ZNF462: variants seen among roughly 807,000 people sequenced by gnomAD.
ZNF462 encodes zinc finger protein 462.
A neutral mutation model predicts 201.9 loss-of-function variants in ZNF462; 10 were observed. The observed-to-expected ratio is 0.05, with a 90% CI of 0.03 to 0.08. The LOEUF is 0.08. ZNF462 is among the 10% of genes least tolerant of loss of function. The pLI, the probability that ZNF462 is intolerant of heterozygous loss-of-function variation, is 1.00. For missense variants in ZNF462, 2,523 were observed against 3,168.3 expected, an observed-to-expected ratio of 0.80 and a Z score of 4.89; for synonymous variants, 1,227 against 1,193.3, an observed-to-expected ratio of 1.03 and a Z score of -0.58.
chr9:106,895,313 G>T lies in ZNF462; in HGVS notation c.-30-28041G>T, dbSNP rs1032416967. On this transcript the variant is annotated intron_variant, in intron 1 of 12. Transcript: ENST00000277225. This position sits in a 1 kb window ranked among gnomAD's most constrained non-coding sequence, Gnocchi z 4.4. ...TGGTGACCTGGTTATTAGACAGAGT[G>T]CACCAAGCATTAGCTTCTGCCCGTG... Among the ~76,000 whole-genome samples the T allele has an allele frequency of 1.3e-5, 2 of 152,158 alleles. No individual in the cohort carries two copies. The highest frequency in any genetic ancestry group is 4.8e-5 in the African/African-American group (2 of 41,426).
In ZNF462 at chr9:106,919,730, A is replaced by C. The variant is rs1159900322; in HGVS notation, c.-30-3624A>C. 1.3e-5 allele frequency among the ~76,000 whole-genome samples: 2 copies of C among 152,206 alleles called. No individual in the cohort carries two copies. The highest frequency in any genetic ancestry group is 1.3e-4 in the Admixed American group (2 of 15,276). ...GTTTCATGTTAGGAGGACCAGTCAC[A>C]TTAGGTGCCAGTTATTTTAGAATGA... On this transcript the variant is annotated intron_variant, in intron 1 of 12. Coordinates refer to ENST00000277225, the MANE Select transcript of ZNF462 (RefSeq NM_021224.6). The surrounding 1 kb of genome is among the most constrained non-coding windows in gnomAD (Gnocchi z 4.5).
chr9:106,932,021 C>T lies in ZNF462; in HGVS notation c.6013-425C>T, dbSNP rs1204344774. Among the ~76,000 whole-genome samples, 3 of 152,156 alleles carry T rather than the reference C, an allele frequency of 2.0e-5. No homozygotes were observed. The highest frequency in any genetic ancestry group is 2.4e-5 in the African/African-American group (1 of 41,436). On this transcript the variant is annotated intron_variant, in intron 4 of 12. Coordinates refer to ENST00000277225, the MANE Select transcript of ZNF462 (RefSeq NM_021224.6). This position sits in a 1 kb window ranked among gnomAD's most constrained non-coding sequence, Gnocchi z 6.8. ...CTTCAGAGTGGGAGAAGCCCTTGTT[C>T]ACATTTCGCAAACAGTAGCAACCTG... is the stretch of plus-strand genomic sequence containing the variant.
intron 7 of ZNF462, among the ~76,000 whole-genome samples, chr9:106,941,551 A>C (rs1385249089): frequency 2.0e-5 from 3 of 152,246 alleles, no homozygotes; most frequent in Admixed American, 2.0e-4. Context: ...ACAGTAACTG[A>C]AAGCTCTGTG....
intron 4 of ZNF462, among the ~76,000 whole-genome samples, chr9:106,931,429 AG>A (rs1178767632): frequency 6.6e-6 from 1 of 152,142 alleles, no homozygotes; most frequent in Admixed American, 6.5e-5. Context: ...CCTTTCTCTA[AG>A]GGTACACGCG....
intron 7 of ZNF462, among the ~76,000 whole-genome samples, chr9:106,958,313 A>G (rs1242821511): frequency 1.3e-5 from 2 of 152,094 alleles, no homozygotes; most frequent in East Asian, 1.9e-4. Context: ...GTGGCTGTCT[A>G]CGTTGCCTTC....
chr9:106,978,633 T>TAC lies in ZNF462; in HGVS notation c.6832+4360_6832+4361insAC, dbSNP rs1206632697. 3.3e-5 allele frequency: 5 copies of TAC among 151,940 alleles called. No individual in the cohort carries two copies. The highest frequency in any genetic ancestry group is 1.2e-4 in the African/African-American group (5 of 40,940). The allele number at this position is 151,940 out of a possible 1,614,324, so 9.4% of individuals were successfully genotyped here. A position where few individuals can be genotyped will look rare whatever the true frequency, so the allele number is the denominator to read the frequency against. On this transcript the variant is annotated intron_variant, in intron 9 of 12. Transcript: ENST00000277225. The surrounding 1 kb of genome is among the most constrained non-coding windows in gnomAD (Gnocchi z 4.1). ...CTGAACTTCTCTTTCAAGGATGAAG[T>TAC]CAGTGGTAGGACTTTTGGTAGGTTT... is the stretch of plus-strand genomic sequence containing the variant.
At chr9:106,873,029 G>T (rs1246067799) in intron 1 of ZNF462, among the ~76,000 whole-genome samples, 1 of 152,148 alleles carries the variant, frequency 6.6e-6, no homozygotes, top group Non-Finnish European at 1.5e-5. Context: ...CACATGGAGT[G>T]GGGACTGCCT....
chr9:106,861,658 T>C (rs1430674794), upstream of ZNF462, among the ~76,000 whole-genome samples: 1 of 152,242 alleles, frequency 6.6e-6, no homozygotes, highest in Non-Finnish European at 1.5e-5. Context: ...ACTTGCTGCA[T>C]TGATTTTTTT....
At chr9:106,899,366 A>G (rs1287373150) in intron 1 of ZNF462, among the ~76,000 whole-genome samples, 3 of 152,106 alleles carry the variant, frequency 2.0e-5, no homozygotes, top group Non-Finnish European at 4.4e-5. Flanking sequence ...TAACTATCAG[A>G]CCATCTCGCA....
Position 106,950,854 on chromosome 9 carries a change from C to T in ZNF462, c.6427+11747C>T, listed in dbSNP as rs150684728. 3.9e-3 allele frequency among the ~76,000 whole-genome samples: 600 copies of T among 152,248 alleles called. 1 individual carries two copies. Among genetic ancestry groups the T allele is most frequent in the Non-Finnish European group, 5.9e-3 (398 of 68,020 alleles). On this transcript the variant is annotated intron_variant, in intron 7 of 12. Transcript: ENST00000277225. This position sits in a 1 kb window ranked among gnomAD's most constrained non-coding sequence, Gnocchi z 4.1. ...CCTGTAATCTCAGCACTTTGGGAGG[C>T]CAAGGCAGGCGGATTGCCTGAAGTC...
At chr9:106,948,957 C>T (rs1047284649) in intron 7 of ZNF462, among the ~76,000 whole-genome samples, 6 of 152,044 alleles carry the variant, frequency 3.9e-5, no homozygotes, top group African/African-American at 7.2e-5. Context: ...TATCTTAAGG[C>T]TCACTCACCT....
intron 7 of ZNF462, among the ~76,000 whole-genome samples, chr9:106,967,962 A>G (rs1023581682): frequency 1.5e-4 from 22 of 151,712 alleles, no homozygotes; most frequent in African/African-American, 4.8e-4. Context: ...TGTCTATTCT[A>G]TTATCATTTG....
intron 10 of ZNF462, among the ~76,000 whole-genome samples, chr9:106,988,874 G>A (rs1242088055): frequency 6.6e-6 from 1 of 152,100 alleles, no homozygotes; most frequent in African/African-American, 2.4e-5. Context: ...ACTGATCTGT[G>A]TACATTAATC....
chr9:106,875,561 T>C (rs1213122913), intron 1 of ZNF462, among the ~76,000 whole-genome samples: 2 of 152,222 alleles, frequency 1.3e-5, no homozygotes, highest in Non-Finnish European at 2.9e-5. Context: ...TTTAACTTTA[T>C]ATCACCCCTT....
chr9:106,877,266 T>C (rs1051860687), intron 1 of ZNF462, among the ~76,000 whole-genome samples: 15 of 151,468 alleles, frequency 9.9e-5, no homozygotes, highest in Admixed American at 4.6e-4. Flanking sequence ...CATATAGTGA[T>C]TTTTCACCTG....
At chr9:106,898,128 C>A (rs1276851677) in intron 1 of ZNF462, among the ~76,000 whole-genome samples, 1 of 152,130 alleles carries the variant, frequency 6.6e-6, no homozygotes, top group East Asian at 1.9e-4. Context: ...TGTTATTAAA[C>A]TAAGTCTTAT....
chr9:106,927,585 G>T lies in ZNF462; in HGVS notation c.3673G>T (p.Val1225Leu), dbSNP rs1031443704. The T allele has an allele frequency of 3.7e-6, 6 of 1,613,906 alleles. No individual in the cohort carries two copies. The highest frequency in any genetic ancestry group is 5.1e-6 in the Non-Finnish European group (6 of 1,179,944). Residue 1225 changes from valine (V) to leucine (L), a missense_variant, in exon 3 of 13, where the codon GTG becomes TTG. Transcript: ENST00000277225. ...KHRDFKANADVIRQHTATIRS... is the reference protein window; with the variant it reads ...KHRDFKANADLIRQHTATIRS... ...CCGAGACTTCAAGGCCAATGCAGAT[G>T]TGATCCGGCAGCATACGGCCACCAT...
chr9:106,953,453 T>C (rs929406432), intron 7 of ZNF462, among the ~76,000 whole-genome samples: 2 of 152,158 alleles, frequency 1.3e-5, no homozygotes, highest in Non-Finnish European at 2.9e-5. Flanking sequence ...CTCATCCTTC[T>C]TTTTTTGTCT....
Position 106,865,104 on chromosome 9 carries a change from A to T in ZNF462, c.-31+1749A>T, listed in dbSNP as rs1827275195. On this transcript the variant is annotated intron_variant, in intron 1 of 12. Transcript: ENST00000277225. This position sits in a 1 kb window ranked among gnomAD's most constrained non-coding sequence, Gnocchi z 4.1. ...TTCCTCACTGTCTATTCATTATGCAAGGAAATGAGGGCTTTTAAGGGTTCC... is the reference window on the plus strand; with the variant it reads ...TTCCTCACTGTCTATTCATTATGCATGGAAATGAGGGCTTTTAAGGGTTCC... 6.6e-6 allele frequency among the ~76,000 whole-genome samples: 1 copy of T among 152,164 alleles called. No individual in the cohort carries two copies. Among genetic ancestry groups the T allele is most frequent in the Non-Finnish European group, 1.5e-5 (1 of 68,040 alleles).
Sources: gnomAD v4.1 joint callset for allele counts (sites outside exome capture counted in the v4.1 genomes callset) on GRCh38, gnomAD v4.1.1 for gene constraint, Gnocchi (gnomAD v3.1) non-coding constraint, MANE v1.5 for transcripts, NCBI Gene and HGNC (gene_info 2026-07-23, HGNC 2026-07-21) for gene names.